Variants in ADGRL2 observed in about 807,000 individuals in gnomAD.
The protein encoded by ADGRL2 is adhesion G protein-coupled receptor L2.
In ADGRL2, 44 loss-of-function variants were observed where a neutral mutation model predicts 157.4. The observed-to-expected ratio is 0.28, with a 90% CI of 0.22 to 0.36. ADGRL2 has a LOEUF of 0.36. Ranked by LOEUF, ADGRL2 falls within the 10% of genes least tolerant of loss-of-function variation. The pLI, the probability that ADGRL2 is intolerant of heterozygous loss-of-function variation, is 1.00. For missense variants in ADGRL2, 1,510 were observed against 1,768.9 expected, an observed-to-expected ratio of 0.85 and a Z score of 2.63; for synonymous variants, 585 against 624.7, an observed-to-expected ratio of 0.94 and a Z score of 0.95.
chr1:81,433,462 A>G (rs1410197560), intron 1 of ADGRL2, among the ~76,000 whole-genome samples: 3 of 152,148 alleles, frequency 2.0e-5, no homozygotes, highest in Admixed American at 6.5e-5. Flanking sequence ...CTGTGATTCA[A>G]TGAAGAACAT....
At chr1:81,415,146 T>G (rs560333188) in intron 1 of ADGRL2, among the ~76,000 whole-genome samples, 3 of 152,204 alleles carry the variant, frequency 2.0e-5, no homozygotes, top group Non-Finnish European at 4.4e-5. Context: ...AAATTATAAC[T>G]CTTTTAAGCA....
At chr1:81,422,401 T>C (rs1231336066) in intron 1 of ADGRL2, among the ~76,000 whole-genome samples, 1 of 152,166 alleles carries the variant, frequency 6.6e-6, no homozygotes, top group African/African-American at 2.4e-5. Flanking sequence ...CATGCCACCA[T>C]GCCTGGCCAA....
intron 2 of ADGRL2, among the ~76,000 whole-genome samples, chr1:81,515,444 G>GGA (rs370355930): frequency 9.0e-6 from 1 of 111,630 alleles, no homozygotes; most frequent in African/African-American, 2.9e-5. Context: ...AGGAACCTCA[G>GGA]AAAAAAAAAA....
chr1:81,856,090 A>G (rs1247017481), intron 2 of ADGRL2, among the ~76,000 whole-genome samples: 2 of 152,072 alleles, frequency 1.3e-5, no homozygotes, highest in East Asian at 3.9e-4. Flanking sequence ...TGGTGTGGAA[A>G]CTGGTCATAT....
intron 2 of ADGRL2, among the ~76,000 whole-genome samples, chr1:81,564,668 G>A (rs2080518722): frequency 6.6e-6 from 1 of 152,118 alleles, no homozygotes; most frequent in African/African-American, 2.4e-5. Context: ...GCCATATTCT[G>A]TTCATTAGAA....
At chr1:81,638,904 T>A (rs1001060222) in intron 3 of ADGRL2, among the ~76,000 whole-genome samples, 12 of 152,178 alleles carry the variant, frequency 7.9e-5, no homozygotes, top group Admixed American at 6.5e-4. Flanking sequence ...CCTGGGGAGC[T>A]GAGGTGAGAG....
At chr1:81,835,928 A>C (rs1383017106) in intron 1 of ADGRL2, among the ~76,000 whole-genome samples, 3 of 152,114 alleles carry the variant, frequency 2.0e-5, no homozygotes, top group Non-Finnish European at 2.9e-5. Context: ...TTTTCCAATC[A>C]GGTTACATTA....
intron 6 of ADGRL2, among the ~76,000 whole-genome samples, chr1:81,948,922 T>G (rs1299407421): frequency 6.6e-6 from 1 of 152,184 alleles, no homozygotes; most frequent in Non-Finnish European, 1.5e-5. Context: ...CACACTACTT[T>G]TTCGTAGTTT....
chr1:81,653,033 C>G (rs2082453437), intron 3 of ADGRL2, among the ~76,000 whole-genome samples: 1 of 152,102 alleles, frequency 6.6e-6, no homozygotes, highest in East Asian at 1.9e-4. Context: ...CTGGTGTTAT[C>G]TAACATATTC....
At chr1:81,971,939 C>G in intron 17 of ADGRL2, 21 bp downstream of exon 17, 2 of 1,576,974 alleles carry the variant, frequency 1.3e-6, no homozygotes, top group Middle Eastern at 3.4e-4. Flanking sequence ...TCTGTTTTCC[C>G]TTGCTTTTTA....
At chr1:81,469,419 G>A (rs539070108) in intron 2 of ADGRL2, among the ~76,000 whole-genome samples, 111 of 152,162 alleles carry the variant, frequency 7.3e-4, no homozygotes, top group African/African-American at 2.6e-3. Context: ...TGTTAAAGTC[G>A]CTTACAGACT....
At chr1:81,577,301 C>T (rs1243751507) in intron 2 of ADGRL2, among the ~76,000 whole-genome samples, 2 of 152,182 alleles carry the variant, frequency 1.3e-5, no homozygotes. Flanking sequence ...CATTGAGATG[C>T]AGTCCCTGCT....
chr1:81,441,124 A>G lies in ADGRL2; in HGVS notation c.-301-3912A>G, dbSNP rs2077500678. Among the ~76,000 whole-genome samples the G allele has an allele frequency of 2.6e-5, 4 of 152,300 alleles. No homozygotes were observed. In the East Asian group the frequency reaches 7.7e-4, roughly 29 times the overall value. ...CCCACTAGTTCACCTCTGTAGCCTC[A>G]GCACCTAATAGTACTACTTAGTACT... On this transcript the variant is annotated intron_variant, in intron 1 of 24. Coordinates refer to the ADGRL2 transcript ENST00000370721.
intron 1 of ADGRL2, among the ~76,000 whole-genome samples, chr1:81,408,482 C>A (rs1288483554): frequency 1.4e-5 from 2 of 145,542 alleles, no homozygotes; most frequent in Non-Finnish European, 3.0e-5. Context: ...AAGTTTACAC[C>A]TAACATTAGC....
chr1:81,405,037 T>C (rs992880778), intron 1 of ADGRL2, among the ~76,000 whole-genome samples: 1 of 152,190 alleles, frequency 6.6e-6, no homozygotes, highest in African/African-American at 2.4e-5. Flanking sequence ...AATACATAAA[T>C]TCATCTTTCA....
At chr1:81,333,034 T>C (rs780288460) in intron 1 of ADGRL2, among the ~76,000 whole-genome samples, 2 of 152,160 alleles carry the variant, frequency 1.3e-5, no homozygotes, top group Non-Finnish European at 2.9e-5. Flanking sequence ...CACCATCTGG[T>C]CGTATAACTT....
At chr1:81,986,234 G>A (rs987263870) in intron 21 of ADGRL2, among the ~76,000 whole-genome samples, 5 of 151,986 alleles carry the variant, frequency 3.3e-5, no homozygotes, top group Non-Finnish European at 4.4e-5. Flanking sequence ...TTCTGTTGGC[G>A]ATCAAAAAGT....
At chr1:81,388,540 G>A (rs1226425133) in intron 1 of ADGRL2, among the ~76,000 whole-genome samples, 1 of 152,130 alleles carries the variant, frequency 6.6e-6, no homozygotes, top group East Asian at 1.9e-4. Flanking sequence ...AAATAAATGT[G>A]TTGAAATTCT....
At chr1:81,572,405 A>T (rs1364075780) in intron 2 of ADGRL2, among the ~76,000 whole-genome samples, 1 of 152,260 alleles carries the variant, frequency 6.6e-6, no homozygotes, top group African/African-American at 2.4e-5. Flanking sequence ...AATGGAAAAC[A>T]AAACATGGAT....
Sources: allele counts gnomAD v4.1 joint callset (sites outside exome capture counted in the v4.1 genomes callset), GRCh38; gene constraint gnomAD v4.1.1; transcripts MANE v1.5; gene names NCBI Gene and HGNC (gene_info 2026-07-23, HGNC 2026-07-21).